MAP3K9: variants seen among roughly 807,000 people sequenced by gnomAD.
MAP3K9 encodes mixed lineage kinase 1 (tyr and ser/thr specificity).
MAP3K9 carries 46 observed loss-of-function variants against 95.8 expected under a neutral mutation model. That is an observed-to-expected ratio of 0.48 (90% confidence interval 0.38 to 0.61). The LOEUF is 0.61. Among genes scored for constraint, MAP3K9 ranks in the 20% least tolerant of loss-of-function variants. The probability of loss-of-function intolerance (pLI) is 0.00; values close to 1 mark genes in which losing one functional copy is unlikely to be tolerated. For missense variants in MAP3K9, 1,296 were observed against 1,474.3 expected (o/e 0.88, Z 1.98); for synonymous variants, 533 against 593.8 (o/e 0.90, Z 1.49).
chr14:70,753,481 A>G (rs1212653665), intron 3 of MAP3K9, among the ~76,000 whole-genome samples: 1 of 152,232 alleles, frequency 6.6e-6, no homozygotes, highest in African/African-American at 2.4e-5. Flanking sequence ...GAGAAATTCA[A>G]GAGAAATACA....
At position 70,774,853 on chromosome 14, in the gene MAP3K9, C is replaced by T. The variant is rs138606486; in HGVS notation, c.821-13671G>A. 5.7e-3 allele frequency among the ~76,000 whole-genome samples: 859 copies of T among 151,720 alleles called. 10 individuals carry two copies. Among genetic ancestry groups the T allele is most frequent in the African/African-American group, 0.019 (801 of 41,336 alleles). On this transcript the variant is annotated intron_variant, in intron 2 of 11. Coordinates refer to ENST00000554752, the MANE Select transcript of MAP3K9 (RefSeq NM_001284230.2). ...TATAAAAATTAGCTGGGCATGGTGG[C>T]ACGCATCTGTAGTCCCAGCTACTTG...
intron 2 of MAP3K9, 33 bp downstream of exon 2, chr14:70,800,634 T>G (rs148003296): frequency 2.5e-6 from 4 of 1,595,260 alleles, no homozygotes; most frequent in Non-Finnish European, 2.6e-6. Context: ...GCAACTGCTC[T>G]GAGCCCCTCC....
chr14:70,809,385 G>A lies in MAP3K9; in HGVS notation c.-214C>T, dbSNP rs1335090616. 2 of 507,138 alleles carry A rather than the reference G, an allele frequency of 3.9e-6. No homozygotes were observed. The highest frequency in any genetic ancestry group is 6.0e-6 in the Non-Finnish European group (2 of 331,080). 31.4% of individuals were successfully genotyped at this position (507,138 alleles called of 1,614,324 possible). On this transcript the variant is annotated 5_prime_UTR_variant, in exon 1 of 12. Transcript: ENST00000554752. Reference sequence around the variant, plus strand: ...AGCGCGAGCTCTTCGCGCAGCCTAGGGGCGCAGCGGGCCGAGTCCCCGCCT... The same window carrying A: ...AGCGCGAGCTCTTCGCGCAGCCTAGAGGCGCAGCGGGCCGAGTCCCCGCCT...
chr14:70,750,397 G>C (rs2054208637), intron 3 of MAP3K9, among the ~76,000 whole-genome samples: 1 of 152,214 alleles, frequency 6.6e-6, no homozygotes, highest in Non-Finnish European at 1.5e-5. Context: ...AGTCTGGCAA[G>C]GCTATTGTTG....
rs143243724 is a variant in MAP3K9 at position 70,784,509 on chromosome 14, G to A, written c.820+16158C>T. Among the ~76,000 whole-genome samples, 211 of 152,278 alleles carry A rather than the reference G, an allele frequency of 1.4e-3. 1 individual carries two copies. The highest frequency in any genetic ancestry group is 4.4e-3 in the African/African-American group (181 of 41,550). ...TGTAATCCCACAACTTTGGGAGGCC[G>A]AGGTGGGCAGATCACTTGAGGACAG... On this transcript the variant is annotated intron_variant, in intron 2 of 11. Transcript: ENST00000554752.
At chr14:70,807,678 A>G (rs982180992) in intron 1 of MAP3K9, among the ~76,000 whole-genome samples, 2 of 152,236 alleles carry the variant, frequency 1.3e-5, no homozygotes, top group African/African-American at 4.8e-5. Context: ...TAATTAATAC[A>G]TATTAACAAT....
In MAP3K9 at chr14:70,742,368, C is replaced by T. The variant is rs200816838; in HGVS notation, c.1550G>A (p.Arg517His). ...CCACTGACCAGAAGGGAGGCTGATG[C>T]GGTTGCCATCCTTGAGCTTCAGCCG... ...KSRLKLKDGN[R>H]ISLPSDFQHK... The change falls in exon 6 of 12, where the codon CGC (arginine) becomes CAC (histidine). Residue 517 changes from arginine to histidine, a missense_variant. This residue lies in a region of MAP3K9 where 377 missense variants were observed against 417.1 expected (regional missense o/e 0.90). Transcript: ENST00000554752. The T allele has an allele frequency of 5.0e-5, 80 of 1,614,092 alleles. No individual in the cohort carries two copies. The highest frequency in any genetic ancestry group is 2.9e-4 in the East Asian group (13 of 44,882).
intron 2 of MAP3K9, among the ~76,000 whole-genome samples, chr14:70,765,108 C>T (rs2054432259): frequency 1.3e-5 from 2 of 152,162 alleles, no homozygotes; most frequent in Admixed American, 6.5e-5. Flanking sequence ...GCAGGAGGAT[C>T]ACTTGAAGTC....
intron 5 of MAP3K9, among the ~76,000 whole-genome samples, chr14:70,747,165 C>A (rs2054158492): frequency 6.6e-6 from 1 of 151,958 alleles, no homozygotes; most frequent in Non-Finnish European, 1.5e-5. Context: ...AAAAATGACA[C>A]TTGATATGGT....
intron 3 of MAP3K9, 113 bp from the exon 4 acceptor site, chr14:70,750,194 A>C: frequency 2.1e-6 from 2 of 955,276 alleles, no homozygotes; most frequent in Non-Finnish European, 3.1e-6. Context: ...TAGTGAGACT[A>C]ATGAAACAGA....
At position 70,735,951 on chromosome 14, in the gene MAP3K9, T is replaced by C; in HGVS notation, c.1913+10A>G. ...AGGACAGCTGGTGAAAGGGTGAAGA[T>C]GAGACTCACCCCAAGTGGAAATGTG... is the stretch of plus-strand genomic sequence containing the variant. On this transcript the variant is annotated intron_variant, in intron 9 of 11. Coordinates refer to ENST00000554752, the MANE Select transcript of MAP3K9 (RefSeq NM_001284230.2). The C allele has an allele frequency of 6.2e-7, 1 of 1,604,414 alleles. No individual in the cohort carries two copies. Among genetic ancestry groups the C allele is most frequent in the Non-Finnish European group, 8.5e-7 (1 of 1,171,206 alleles).
intron 2 of MAP3K9, among the ~76,000 whole-genome samples, chr14:70,762,611 T>C (rs964048669): frequency 6.6e-6 from 1 of 152,248 alleles, no homozygotes; most frequent in Non-Finnish European, 1.5e-5. Context: ...CTTTTTATTA[T>C]TGAGTTATAA....
At chr14:70,786,330 A>G (rs1015618558) in intron 2 of MAP3K9, among the ~76,000 whole-genome samples, 6 of 152,030 alleles carry the variant, frequency 3.9e-5, no homozygotes, top group Non-Finnish European at 7.4e-5. Flanking sequence ...TTAACAATCC[A>G]CTCCAGGATT....
rs1270580675 is a variant in MAP3K9 at position 70,799,029 on chromosome 14, C to T, written c.820+1638G>A. Among the ~76,000 whole-genome samples, 5 of 152,170 alleles carry T rather than the reference C, an allele frequency of 3.3e-5. No homozygotes were observed. The South Asian group carries it at 8.3e-4, about 25-fold the overall frequency. Reference sequence around the variant, plus strand: ...AAAGATAAATGTATATTTGTATATGCATAAACCAGATACGCTTTAAAAATG... The same window carrying T: ...AAAGATAAATGTATATTTGTATATGTATAAACCAGATACGCTTTAAAAATG... On this transcript the variant is annotated intron_variant, in intron 2 of 11. Coordinates refer to ENST00000554752, the MANE Select transcript of MAP3K9 (RefSeq NM_001284230.2).
chr14:70,746,920 T>C (rs758400281), intron 5 of MAP3K9, among the ~76,000 whole-genome samples: 1 of 152,232 alleles, frequency 6.6e-6, no homozygotes, highest in Non-Finnish European at 1.5e-5. Flanking sequence ...GGGATTCTTC[T>C]AGCTGGAATA....
At chr14:70,803,166 CT>C (rs2054949735) in intron 1 of MAP3K9, among the ~76,000 whole-genome samples, 1 of 151,906 alleles carries the variant, frequency 6.6e-6, no homozygotes, top group Non-Finnish European at 1.5e-5. Flanking sequence ...TCCCTGAGGC[CT>C]CACCAGAGCC....
chr14:70,759,640 G>C (rs1469655512), intron 3 of MAP3K9, among the ~76,000 whole-genome samples: 1 of 152,162 alleles, frequency 6.6e-6, no homozygotes, highest in Admixed American at 6.5e-5. Flanking sequence ...ATAAAAGCAC[G>C]CACTTCTGTT....
Position 70,800,788 on chromosome 14 carries a change from A to G in MAP3K9, c.699T>C (p.Ser233=), listed in dbSNP as rs1376427513. The part of the protein sequence containing the change: ...ARGGPLNRVL[S]GKRIPPDILV... Reference sequence around the variant, plus strand: ...GGATGTCTGGGGGAATCCTTTTCCCAGATAACACTCTATTCAAAGGTCCTC... The same window carrying G: ...GGATGTCTGGGGGAATCCTTTTCCCGGATAACACTCTATTCAAAGGTCCTC... The change falls in exon 2 of 12, where the codon TCT becomes TCC. Residue 233 remains serine, a synonymous_variant. Transcript: ENST00000554752. 2 of 1,614,206 alleles carry G rather than the reference A, an allele frequency of 1.2e-6. No individual in the cohort carries two copies. The highest frequency in any genetic ancestry group is 1.7e-5 in the Admixed American group (1 of 60,028).
chr14:70,801,610 C>T (rs897057864), intron 1 of MAP3K9, among the ~76,000 whole-genome samples: 1 of 152,182 alleles, frequency 6.6e-6, no homozygotes, highest in Non-Finnish European at 1.5e-5. Context: ...GAGAAGCACC[C>T]AACTCAGTGC....
Sources: allele counts gnomAD v4.1 joint callset (sites outside exome capture counted in the v4.1 genomes callset), GRCh38; gene constraint gnomAD v4.1.1; regional missense constraint gnomAD v4.1.1; transcripts MANE v1.5; gene names NCBI Gene and HGNC (gene_info 2026-07-23, HGNC 2026-07-21).